The following CD4 variants were observed in gnomAD, a reference collection of about 807,000 sequenced individuals.
The protein encoded by CD4 is CD4 molecule.
CD4 carries 25 observed loss-of-function variants against 50.5 expected under a neutral mutation model. The observed-to-expected ratio is 0.49, with a 90% CI of 0.36 to 0.69. The LOEUF (loss-of-function observed/expected upper bound fraction) is 0.69. Ranked by LOEUF, CD4 falls within the 30% of genes least tolerant of loss-of-function variation. The pLI is 0.00. For missense variants in CD4, 456 were observed against 548.5 expected (o/e 0.83, Z 1.68); for synonymous variants, 207 against 221.9 (o/e 0.93, Z 0.60).
chr12:6,806,336 G>C (rs1197903725), intron 3 of CD4, among the ~76,000 whole-genome samples: 1 of 150,834 alleles, frequency 6.6e-6, no homozygotes, highest in South Asian at 2.1e-4. Flanking sequence ...ACAGAGTCTT[G>C]CTCTGTCACC....
At position 6,800,915 on chromosome 12, in the gene CD4, T is replaced by TA. The variant is rs1491448192; in HGVS notation, c.214+444_214+445insA. Among the ~76,000 whole-genome samples, 603 of 137,972 alleles carry TA rather than the reference T, an allele frequency of 4.4e-3. 6 individuals carry two copies. Among genetic ancestry groups the TA allele is most frequent in the African/African-American group, 0.017 (522 of 30,488 alleles). The allele number at this position is 137,972 out of a possible 152,430, so 90.5% of individuals were successfully genotyped here. On this transcript the variant is annotated intron_variant, in intron 3 of 9. Transcript: ENST00000011653. The stretch of plus-strand genomic sequence containing the variant: ...CTCTATGAAAAAAAATATATATATA[T>TA]TTTTTTTGGAGACAAGGTCTAGTTC...
Position 6,819,674 on chromosome 12 carries a change from C to G in CD4, c.*345C>G, listed in dbSNP as rs1433653641. On this transcript the variant is annotated 3_prime_UTR_variant, in exon 10 of 10. Transcript: ENST00000011653. Reference sequence around the variant, plus strand: ...TGGCATGGAGGGTGAGGCTGGGTGTCTGGAAGCATGGAGCATGGGACTGTT... The same window carrying G: ...TGGCATGGAGGGTGAGGCTGGGTGTGTGGAAGCATGGAGCATGGGACTGTT... 1 of 338,818 alleles carries G rather than the reference C, an allele frequency of 3.0e-6. No homozygotes were observed. Among genetic ancestry groups the G allele is most frequent in the African/African-American group, 2.1e-5 (1 of 46,966 alleles). 21.0% of individuals were successfully genotyped at this position (338,818 alleles called of 1,614,324 possible).
At chr12:6,813,322 G>T (rs1413655642) in intron 3 of CD4, among the ~76,000 whole-genome samples, 1 of 151,262 alleles carries the variant, frequency 6.6e-6, no homozygotes, top group East Asian at 1.9e-4. Context: ...CTTTCAAAGA[G>T]CTGGGATGAG....
At position 6,818,566 on chromosome 12, in the gene CD4, C is replaced by T. The variant is rs782051303; in HGVS notation, c.1278+24C>T. Reference sequence around the variant, plus strand: ...GGGTGAGTAACCCCACACCTGGTCCCCACAAGGCCCTCAAACCCCTGAGTC... The same window carrying T: ...GGGTGAGTAACCCCACACCTGGTCCTCACAAGGCCCTCAAACCCCTGAGTC... On this transcript the variant is annotated intron_variant, in intron 8 of 9. Transcript: ENST00000011653. This position sits in a 1 kb window ranked among gnomAD's most constrained non-coding sequence, Gnocchi z 5.0. 1 of 1,611,886 alleles carries T rather than the reference C, an allele frequency of 6.2e-7. No homozygotes were observed.
In CD4 at chr12:6,814,860, A is replaced by G. The variant is rs1555117630; in HGVS notation, c.475A>G (p.Arg159Gly). 2.5e-6 allele frequency: 4 copies of G among 1,613,604 alleles called. No homozygotes were observed. Among genetic ancestry groups the G allele is most frequent in the African/African-American group, 1.3e-5 (1 of 74,960 alleles). ...SSPSVQCRSPRGKNIQGGKTL... is the reference protein window; with the variant it reads ...SSPSVQCRSPGGKNIQGGKTL... ...CCCCTCAGTGCAATGTAGGAGTCCA[A>G]GGGGTAAAAACATACAGGGGGGGAA... The change falls in exon 5 of 10, where the codon AGG becomes GGG. Residue 159 changes from arginine to glycine, a missense_variant. Arg to Gly is a moderately radical substitution (Grantham distance 125). Coordinates refer to ENST00000011653, the MANE Select transcript of CD4 (RefSeq NM_000616.5).
intron 1 of CD4, among the ~76,000 whole-genome samples, chr12:6,791,036 C>T (rs1942141125): frequency 6.6e-6 from 1 of 152,222 alleles, no homozygotes; most frequent in African/African-American, 2.4e-5. Flanking sequence ...GAAAGAGCCC[C>T]TGAGGACAGC....
At chr12:6,803,373 T>G (rs782200746) in intron 3 of CD4, among the ~76,000 whole-genome samples, 3 of 151,774 alleles carry the variant, frequency 2.0e-5, no homozygotes, top group Non-Finnish European at 2.9e-5. Context: ...GGTCTGGAAC[T>G]TCTACCCTCA....
At chr12:6,802,611 T>G (rs1156514733) in intron 3 of CD4, among the ~76,000 whole-genome samples, 1 of 151,776 alleles carries the variant, frequency 6.6e-6, no homozygotes, top group African/African-American at 2.4e-5. Context: ...TGTGGCCTAT[T>G]TTCTTCCACT....
chr12:6,819,272 T>G (rs781905262), intron 9 of CD4, 27 bp from the exon 10 acceptor site: 16 of 1,613,268 alleles, frequency 9.9e-6, no homozygotes, highest in Non-Finnish European at 1.4e-5. Flanking sequence ...GGGACAGACC[T>G]GCTCCCCTTC....
chr12:6,797,502 A>G lies in CD4; in HGVS notation c.-67-2570A>G, dbSNP rs28917477. On this transcript the variant is annotated intron_variant, in intron 1 of 9. Transcript: ENST00000011653. ...GACACAGAGAAAGTATAGAGGAATAAAAGTGGGCCCAGGGGACCGGCGCTC... is the reference window on the plus strand; with the variant it reads ...GACACAGAGAAAGTATAGAGGAATAGAAGTGGGCCCAGGGGACCGGCGCTC... Among the ~76,000 whole-genome samples the G allele has an allele frequency of 7.4e-3, 1,126 of 152,242 alleles. 20 individuals carry two copies. Among genetic ancestry groups the G allele is most frequent in the African/African-American group, 0.026 (1,061 of 41,546 alleles).
intron 1 of CD4, among the ~76,000 whole-genome samples, chr12:6,791,344 G>A (rs1942153980): frequency 6.6e-6 from 1 of 152,234 alleles, no homozygotes; most frequent in Non-Finnish European, 1.5e-5. Flanking sequence ...CTGGGTTCAA[G>A]CGATTCTCCT....
chr12:6,815,457 C>G (rs781986317), intron 5 of CD4, among the ~76,000 whole-genome samples: 1 of 152,286 alleles, frequency 6.6e-6, no homozygotes, highest in South Asian at 2.1e-4. Flanking sequence ...ATCCTGTCCC[C>G]TGGGTGCTTA....
chr12:6,815,911 G>T, intron 5 of CD4, 145 bp from the exon 6 acceptor site: 1 of 1,520,812 alleles, frequency 6.6e-7, no homozygotes, highest in Non-Finnish European at 8.8e-7. Flanking sequence ...AGGTAGGAAG[G>T]AACTGAAGTA....
At position 6,814,925 on chromosome 12, in the gene CD4, C is replaced by G; in HGVS notation, c.540C>G (p.Gly180=). The change falls in exon 5 of 10, where the codon GGC becomes GGG. Residue 180 remains glycine (G), a synonymous_variant. Coordinates refer to ENST00000011653, the MANE Select transcript of CD4 (RefSeq NM_000616.5). The stretch of plus-strand genomic sequence containing the variant: ...CTCAGCTGGAGCTCCAGGATAGTGG[C>G]ACCTGGACATGCACTGTCTTGCAGA... The part of the protein sequence containing the change: ...SVSQLELQDS[G]TWTCTVLQNQ... 1 of 1,613,444 alleles carries G rather than the reference C, an allele frequency of 6.2e-7. No individual in the cohort carries two copies. The highest frequency in any genetic ancestry group is 2.2e-5 in the East Asian group (1 of 44,886).
chr12:6,806,055 T>C (rs940778004), intron 3 of CD4, among the ~76,000 whole-genome samples: 4 of 151,430 alleles, frequency 2.6e-5, no homozygotes, highest in South Asian at 2.1e-4. Flanking sequence ...TCCCAGCACG[T>C]TGGGAGGCTG....
Position 6,814,288 on chromosome 12 carries a change from C to T in CD4, c.361C>T (p.Leu121=). The T allele has an allele frequency of 6.2e-7, 1 of 1,613,644 alleles. No homozygotes were observed. Among genetic ancestry groups the T allele is most frequent in the Non-Finnish European group, 8.5e-7 (1 of 1,179,710 alleles). Residue 121 remains leucine, a synonymous_variant, in exon 4 of 10, where the codon CTA becomes TTA. Transcript: ENST00000011653. ...VEDQKEEVQL[L]VFGLTANSDT... ...GGACCAGAAGGAGGAGGTGCAATTG[C>T]TAGTGTTCGGATGTGAGTGGGGCAG...
At chr12:6,808,450 CAAAAAAAAAAAAAA>C (rs3032789) in intron 3 of CD4, among the ~76,000 whole-genome samples, 13 of 37,800 alleles carry the variant, frequency 3.4e-4, no homozygotes, top group Middle Eastern at 0.038. Context: ...GATTCTGTCT[CAAAAAAAAAAAAAA>C]AAAAAAAAAA....
chr12:6,810,329 A>T (rs1942900704), intron 3 of CD4, among the ~76,000 whole-genome samples: 1 of 152,238 alleles, frequency 6.6e-6, no homozygotes, highest in Non-Finnish European at 1.5e-5. Context: ...CAAGCAGGCC[A>T]TGGTTTTCTT....
At chr12:6,808,339 C>G (rs1942833806) in intron 3 of CD4, among the ~76,000 whole-genome samples, 2 of 139,220 alleles carry the variant, frequency 1.4e-5, no homozygotes, top group African/African-American at 5.4e-5. Flanking sequence ...GTAGTTGCAG[C>G]TACTTGGGAG....
Sources: gnomAD v4.1 joint callset for allele counts (sites outside exome capture counted in the v4.1 genomes callset) on GRCh38, gnomAD v4.1.1 for gene constraint, Gnocchi (gnomAD v3.1) non-coding constraint, MANE v1.5 for transcripts, NCBI Gene and HGNC (gene_info 2026-07-23, HGNC 2026-07-21) for gene names.